Variants in OPCML observed in about 807,000 individuals in gnomAD.
OPCML encodes the protein opioid-binding protein/cell adhesion molecule.
Under a neutral mutation model 37.8 loss-of-function variants are expected in OPCML, and 13 were observed. That is an observed-to-expected ratio of 0.34 (90% CI 0.22 to 0.55). The LOEUF (loss-of-function observed/expected upper bound fraction) is 0.55. Among genes scored for constraint, OPCML ranks in the 20% least tolerant of loss-of-function variants. OPCML has a pLI of 0.91. For synonymous variants in OPCML, 176 were observed against 168.8 expected, an observed-to-expected ratio of 1.04 and a Z score of -0.33; for missense variants, 341 against 435.6, an observed-to-expected ratio of 0.78 and a Z score of 1.93.
At chr11:132,959,844 C>G (rs925432341) in intron 1 of OPCML, among the ~76,000 whole-genome samples, 6 of 152,212 alleles carry the variant, frequency 3.9e-5, no homozygotes, top group African/African-American at 1.4e-4. Context: ...AAATCTGTCT[C>G]ATCTCACACA....
At chr11:133,140,949 C>CGAA (rs1301893070) in intron 1 of OPCML, among the ~76,000 whole-genome samples, 68 of 2,920 alleles carry the variant, frequency 0.023, 31 homozygotes, top group Non-Finnish European at 0.045. Flanking sequence ...AAGAAGACGA[C>CGAA]GAAGAAGAAG....
intron 2 of OPCML, among the ~76,000 whole-genome samples, chr11:132,871,152 C>T (rs189372903): frequency 2.0e-5 from 3 of 151,326 alleles, no homozygotes; most frequent in Admixed American, 6.6e-5. Flanking sequence ...TCCAAAACAA[C>T]ATGTTGTACA....
chr11:132,493,094 T>A (rs939481650), intron 4 of OPCML, among the ~76,000 whole-genome samples: 2 of 152,184 alleles, frequency 1.3e-5, no homozygotes, highest in African/African-American at 4.8e-5. Flanking sequence ...AAAAAGTAAA[T>A]ATTTCATGTC....
chr11:133,349,714 T>C (rs1200782477), intron 1 of OPCML, among the ~76,000 whole-genome samples: 4 of 152,184 alleles, frequency 2.6e-5, no homozygotes, highest in African/African-American at 9.7e-5. Context: ...GGATTTTCTT[T>C]CTGAAGATGA....
intron 1 of OPCML, chr11:133,009,184 T>C: frequency 3.0e-6 from 3 of 985,396 alleles, no homozygotes; most frequent in South Asian, 9.4e-5. Flanking sequence ...AAAATACACA[T>C]TGTCTCTAAC....
chr11:133,342,936 T>A (rs1943908519), intron 1 of OPCML, among the ~76,000 whole-genome samples: 2 of 152,196 alleles, frequency 1.3e-5, no homozygotes, highest in South Asian at 4.1e-4. Flanking sequence ...AGGGTCTTGC[T>A]TTAACACCCA....
intron 3 of OPCML, among the ~76,000 whole-genome samples, chr11:132,550,701 T>C (rs1011083029): frequency 6.6e-6 from 1 of 152,180 alleles, no homozygotes; most frequent in African/African-American, 2.4e-5. Context: ...GCACAGAGCA[T>C]GTGTCTGAGA....
intron 2 of OPCML, among the ~76,000 whole-genome samples, chr11:132,676,109 T>C (rs1050460836): frequency 6.6e-6 from 1 of 152,168 alleles, no homozygotes; most frequent in Non-Finnish European, 1.5e-5. Context: ...ATCAATGGAA[T>C]AGAATTGAGA....
intron 1 of OPCML, among the ~76,000 whole-genome samples, chr11:133,179,849 C>T (rs1434412081): frequency 6.6e-6 from 1 of 152,090 alleles, no homozygotes; most frequent in Non-Finnish European, 1.5e-5. Context: ...AATCAGTAAC[C>T]CTGTGAGGCT....
At chr11:132,571,120 G>T (rs7929284) in intron 3 of OPCML, among the ~76,000 whole-genome samples, 5 of 151,994 alleles carry the variant, frequency 3.3e-5, no homozygotes, top group Non-Finnish European at 1.5e-5. Flanking sequence ...GGCTTTCATC[G>T]TTCTCCCATG....
chr11:132,489,325 TC>T (rs1409115672), intron 4 of OPCML, among the ~76,000 whole-genome samples: 1 of 152,156 alleles, frequency 6.6e-6, no homozygotes, highest in Non-Finnish European at 1.5e-5. Flanking sequence ...TTCTTTGGGA[TC>T]CCTCCTGAAG....
intron 1 of OPCML, among the ~76,000 whole-genome samples, chr11:133,082,384 CT>C (rs1186180545): frequency 7.2e-6 from 1 of 138,874 alleles, no homozygotes; most frequent in Non-Finnish European, 1.6e-5. Context: ...CCACCCTCCC[CT>C]CTTCCCCTCC....
chr11:133,419,321 C>G (rs1945834312), intron 1 of OPCML: 9 of 985,384 alleles, frequency 9.1e-6, no homozygotes, highest in Non-Finnish European at 1.1e-5. Context: ...GGAAAATAGG[C>G]ATGAATCTCA....
chr11:133,331,061 G>A (rs1452099113), intron 1 of OPCML, among the ~76,000 whole-genome samples: 1 of 152,186 alleles, frequency 6.6e-6, no homozygotes, highest in Non-Finnish European at 1.5e-5. Context: ...TGTAGATAAA[G>A]TGAGGATCCA....
At chr11:132,918,895 C>G (rs1944695143) in intron 2 of OPCML, among the ~76,000 whole-genome samples, 1 of 152,146 alleles carries the variant, frequency 6.6e-6, no homozygotes, top group Admixed American at 6.5e-5. Context: ...TGACTGTTGT[C>G]TTATCTTTGG....
Position 132,696,917 on chromosome 11 carries a change from C to A in OPCML, c.147-39598G>T, listed in dbSNP as rs58123870. 3.5e-3 allele frequency among the ~76,000 whole-genome samples: 533 copies of A among 152,254 alleles called. 4 individuals carry two copies. The highest frequency in any genetic ancestry group is 0.012 in the African/African-American group (507 of 41,554). ...CAAACAGGATTAATGAAAAATGATT[C>A]ATATACAGATACATCACTGTGAAAT... On this transcript the variant is annotated intron_variant, in intron 2 of 7. Transcript: ENST00000524381.
intron 1 of OPCML, among the ~76,000 whole-genome samples, chr11:133,222,639 C>T (rs886096187): frequency 1.3e-5 from 2 of 152,222 alleles, no homozygotes; most frequent in Admixed American, 6.5e-5. Flanking sequence ...GAACTCAGCC[C>T]GTCCAGCTCT....
chr11:132,715,178 G>A (rs1944423436), intron 2 of OPCML, among the ~76,000 whole-genome samples: 1 of 152,204 alleles, frequency 6.6e-6, no homozygotes, highest in Admixed American at 6.5e-5. Context: ...AAAATAGCAA[G>A]ACAGAGTCTA....
chr11:132,650,706 G>A (rs1941387229), intron 3 of OPCML, among the ~76,000 whole-genome samples: 1 of 152,128 alleles, frequency 6.6e-6, no homozygotes, highest in African/African-American at 2.4e-5. Context: ...AGCCAGGAGA[G>A]GAACGTCTTG....
Sources: gnomAD v4.1 joint callset for allele counts (sites outside exome capture counted in the v4.1 genomes callset) on GRCh38, gnomAD v4.1.1 for gene constraint, MANE v1.5 for transcripts, NCBI Gene and HGNC (gene_info 2026-07-23, HGNC 2026-07-21) for gene names.